PON1: variants seen among roughly 807,000 people sequenced by gnomAD.
PON1 encodes serum paraoxonase/arylesterase 1.
Under a neutral mutation model 39.2 loss-of-function variants are expected in PON1, and 37 were observed. The ratio of observed to expected loss-of-function variants is 0.94; its 90% CI spans 0.73 to 1.24. The LOEUF is 1.24. Ranked by LOEUF, PON1 falls within the 50% of genes most tolerant of loss-of-function variation. PON1 has a pLI of 0.00. For missense variants in PON1, 397 were observed against 413.5 expected (o/e 0.96, Z 0.35); for synonymous variants, 148 against 152.2 (o/e 0.97, Z 0.21).
chr7:95,315,651 CAGG>C (rs1316952642), intron 3 of PON1, among the ~76,000 whole-genome samples, 161 bp from the exon 4 acceptor site: 1 of 152,142 alleles, frequency 6.6e-6, no homozygotes, highest in Admixed American at 6.6e-5. Flanking sequence ...AATGGGTCCC[CAGG>C]AGAAGTCTTC....
At chr7:95,314,930 C>A (rs1807733672) in intron 4 of PON1, among the ~76,000 whole-genome samples, 1 of 152,158 alleles carries the variant, frequency 6.6e-6, no homozygotes, top group Non-Finnish European at 1.5e-5. Flanking sequence ...ACCATGGTGA[C>A]TTTCTGTCAC....
At chr7:95,299,633 T>C (rs1807371968) in intron 8 of PON1, among the ~76,000 whole-genome samples, 4 of 152,022 alleles carry the variant, frequency 2.6e-5, no homozygotes, top group South Asian at 2.1e-4. Flanking sequence ...GAGGAGAGAC[T>C]GGCCTACCCT....
intron 4 of PON1, among the ~76,000 whole-genome samples, chr7:95,312,538 G>C (rs1208440100): frequency 6.6e-6 from 1 of 152,238 alleles, no homozygotes; most frequent in East Asian, 1.9e-4. Context: ...AAATACAACA[G>C]GATAAAAGAA....
At chr7:95,312,786 G>C (rs1347904285) in intron 4 of PON1, among the ~76,000 whole-genome samples, 1 of 151,922 alleles carries the variant, frequency 6.6e-6, no homozygotes, top group Non-Finnish European at 1.5e-5. Flanking sequence ...AGAACTTCCG[G>C]GACATATTCA....
At chr7:95,309,549 A>G (rs536064650) in intron 5 of PON1, among the ~76,000 whole-genome samples, 23 of 152,264 alleles carry the variant, frequency 1.5e-4, no homozygotes, top group Non-Finnish European at 2.9e-4. Context: ...ATAAATAACA[A>G]ATTTTTAAAG....
At chr7:95,322,926 C>T (rs1464882355) in intron 1 of PON1, among the ~76,000 whole-genome samples, 5 of 152,110 alleles carry the variant, frequency 3.3e-5, no homozygotes, top group South Asian at 2.1e-4. Flanking sequence ...TCCTGTGAGC[C>T]GCACACACAT....
Position 95,324,456 on chromosome 7 carries a change from A to G in PON1, c.20T>C (p.Leu7Pro). The change falls in exon 1 of 9, where the codon CTC becomes CCC. Residue 7 changes from leucine (L) to proline (P), a missense_variant. Leu to Pro is a moderately conservative substitution (Grantham distance 98). Coordinates refer to ENST00000222381, the MANE Select transcript of PON1 (RefSeq NM_000446.7). ...TGCCAGTCCCATCCCCAAGAGGGTG[A>G]GCGCAATCAGCTTCGCCATGGTCGG... The part of the protein sequence containing the change: MAKLIA[L>P]TLLGMGLALF... The G allele has an allele frequency of 6.2e-7, 1 of 1,614,168 alleles. No homozygotes were observed. The highest frequency in any genetic ancestry group is 8.5e-7 in the Non-Finnish European group (1 of 1,180,026).
chr7:95,303,647 C>T (rs1021910611), intron 7 of PON1, among the ~76,000 whole-genome samples: 2 of 152,170 alleles, frequency 1.3e-5, no homozygotes, highest in African/African-American at 2.4e-5. Flanking sequence ...GCAGACACAG[C>T]TCATGCCATG....
At chr7:95,317,992 C>T (rs1383102307) in intron 2 of PON1, among the ~76,000 whole-genome samples, 4 of 152,116 alleles carry the variant, frequency 2.6e-5, no homozygotes, top group Non-Finnish European at 4.4e-5. Flanking sequence ...TTATTCAATG[C>T]TTTATCTGGC....
chr7:95,322,385 T>C (rs539750532), intron 1 of PON1, among the ~76,000 whole-genome samples: 1 of 151,422 alleles, frequency 6.6e-6, no homozygotes, highest in South Asian at 2.1e-4. Context: ...TATGTATTAT[T>C]ATCCCCTAAT....
intron 1 of PON1, among the ~76,000 whole-genome samples, chr7:95,322,510 C>T (rs1440586257): frequency 1.3e-5 from 2 of 152,028 alleles, no homozygotes; most frequent in South Asian, 2.1e-4. Context: ...ACTCTCTTCC[C>T]ACAACTGTGT....
At chr7:95,302,166 G>A in intron 8 of PON1, 39 bp downstream of exon 8, 6 of 1,523,004 alleles carry the variant, frequency 3.9e-6, no homozygotes, top group Non-Finnish European at 5.4e-6. Flanking sequence ...ACAGTAGCTG[G>A]GAATAAAGTC....
Position 95,304,777 on chromosome 7 carries a change from C to T in PON1, c.780+1508G>A, listed in dbSNP as rs3917553. On this transcript the variant is annotated intron_variant, in intron 7 of 8. Transcript: ENST00000222381. ...ATTAATTAACTGATATTAATTAATA[C>T]GGTCTTTCAAAAGAAAGAATAATGT... Among the ~76,000 whole-genome samples, 856 of 152,238 alleles carry T rather than the reference C, an allele frequency of 5.6e-3. 4 individuals are homozygous for T. Among genetic ancestry groups the T allele is most frequent in the African/African-American group, 0.019 (770 of 41,532 alleles).
intron 7 of PON1, among the ~76,000 whole-genome samples, chr7:95,305,781 G>T (rs1585693529): frequency 6.6e-6 from 1 of 152,122 alleles, no homozygotes; most frequent in South Asian, 2.1e-4. Flanking sequence ...GGGACACAAT[G>T]GTTGGAGGTA....
At chr7:95,299,181 A>T (rs1305475056) in intron 8 of PON1, 79 bp from the exon 9 acceptor site, 2 of 1,355,036 alleles carry the variant, frequency 1.5e-6, no homozygotes, top group Non-Finnish European at 2.1e-6. Flanking sequence ...GTCATCCTCC[A>T]TAAGAAGCCA....
At chr7:95,300,205 G>C (rs1371407327) in intron 8 of PON1, among the ~76,000 whole-genome samples, 1 of 152,208 alleles carries the variant, frequency 6.6e-6, no homozygotes, top group Non-Finnish European at 1.5e-5. Context: ...AATAGCAATA[G>C]CGTGTGATTC....
chr7:95,299,067 AG>A lies in PON1; in HGVS notation c.944del (p.Pro315LeufsTer3). ...TTTCTGCATAAACCTGTGTCACTTTAGGTTCTTCTGTTAGAATGTTCTGGAT... is the reference window on the plus strand; with the variant it reads ...TTTCTGCATAAACCTGTGTCACTTTAGTTCTTCTGTTAGAATGTTCTGGAT... Reference protein sequence around the residue: ...LRIQNILTEEPKVTQVYAENG... With the variant: ...LRIQNILTEEXKVTQVYAENG... On this transcript the variant is annotated frameshift_variant, in exon 9 of 9. Transcript: ENST00000222381. LOFTEE classifies it high-confidence loss of function. 1 of 1,614,166 alleles carries A rather than the reference AG, an allele frequency of 6.2e-7. No homozygotes were observed. The highest frequency in any genetic ancestry group is 8.5e-7 in the Non-Finnish European group (1 of 1,179,992).
chr7:95,320,088 C>T (rs987406120), intron 1 of PON1, among the ~76,000 whole-genome samples: 6 of 152,086 alleles, frequency 3.9e-5, no homozygotes, highest in Admixed American at 1.3e-4. Context: ...TGGTCATAAC[C>T]GAGGACAACA....
In PON1 at chr7:95,316,803, G is replaced by GAA; in HGVS notation, c.146-16_146-15dup. 1 of 1,606,682 alleles carries GAA rather than the reference G, an allele frequency of 6.2e-7. No individual in the cohort carries two copies. Among genetic ancestry groups the GAA allele is most frequent in the Admixed American group, 1.7e-5 (1 of 60,004 alleles). The stretch of plus-strand genomic sequence containing the variant: ...CAGAGCCAGTTTCTGCCAGAAAAGA[G>GAA]AACAGAAAGTACAGGTTGTTTCATA... On this transcript the variant is annotated splice_polypyrimidine_tract_variant and intron_variant, in intron 2 of 8. Coordinates refer to ENST00000222381, the MANE Select transcript of PON1 (RefSeq NM_000446.7).
Sources: allele counts gnomAD v4.1 joint callset (sites outside exome capture counted in the v4.1 genomes callset), GRCh38; gene constraint gnomAD v4.1.1; transcripts MANE v1.5; gene names NCBI Gene and HGNC (gene_info 2026-07-23, HGNC 2026-07-21).